KIF3A: variants seen among roughly 807,000 people sequenced by gnomAD.
KIF3A encodes the protein kinesin family member 3A, also known as kinesin-like protein KIF3A.
A neutral mutation model predicts 92.6 loss-of-function variants in KIF3A; 27 were observed. The observed-to-expected ratio is 0.29, with a 90% confidence interval of 0.21 to 0.40. The LOEUF is 0.40. Ranked by LOEUF, KIF3A falls within the 10% of genes least tolerant of loss-of-function variation. KIF3A has a pLI of 1.00. For synonymous variants in KIF3A, 250 were observed against 275.4 expected, an observed-to-expected ratio of 0.91 and a Z score of 0.92; for missense variants, 581 against 872.6, an observed-to-expected ratio of 0.67 and a Z score of 4.21.
At chr5:132,722,412 C>G (rs1349307762) in intron 4 of KIF3A, among the ~76,000 whole-genome samples, 1 of 152,102 alleles carries the variant, frequency 6.6e-6, no homozygotes, top group Non-Finnish European at 1.5e-5. Flanking sequence ...ACCCTCTTGT[C>G]CTAGAATATT....
chr5:132,712,083 C>CA (rs1753445423), intron 8 of KIF3A, among the ~76,000 whole-genome samples: 1 of 152,294 alleles, frequency 6.6e-6, no homozygotes, highest in Non-Finnish European at 1.5e-5. Flanking sequence ...GAAAGGAACA[C>CA]AGAGTCTTGG....
intron 1 of KIF3A, chr5:132,736,989 G>T: frequency 3.2e-6 from 1 of 311,444 alleles, no homozygotes; most frequent in South Asian, 3.3e-5. Flanking sequence ...GCCTGGAATA[G>T]GGGCAGGCAG....
rs1484763279 is a variant in KIF3A, at chr5:132,699,622, G to C, written c.2008-327C>G. Reference sequence around the variant, plus strand: ...CGCCCAGGCTGGAGTGCAGTAGCGCGATCTGGGCTCACTGCAAGCTCCACC... The same window carrying C: ...CGCCCAGGCTGGAGTGCAGTAGCGCCATCTGGGCTCACTGCAAGCTCCACC... On this transcript the variant is annotated intron_variant, in intron 17 of 18. Transcript: ENST00000403231. The C allele has an allele frequency of 1.1e-5, 5 of 436,908 alleles. No individual in the cohort carries two copies. The Admixed American group carries it at 1.4e-4, about 12-fold the overall frequency. The allele number at this position is 436,908 out of a possible 1,614,324, so 27.1% of individuals were successfully genotyped here. A position where few individuals can be genotyped will look rare whatever the true frequency, so the allele number is the denominator to read the frequency against.
chr5:132,728,593 T>C (rs186470289), intron 2 of KIF3A, among the ~76,000 whole-genome samples: 5 of 151,954 alleles, frequency 3.3e-5, no homozygotes, highest in Admixed American at 2.0e-4. Flanking sequence ...AAAAATTAGC[T>C]GGGTGTGGTG....
chr5:132,698,251 A>G (rs1026639230), intron 18 of KIF3A, among the ~76,000 whole-genome samples: 1 of 152,122 alleles, frequency 6.6e-6, no homozygotes, highest in Non-Finnish European at 1.5e-5. Flanking sequence ...ATTATTTCCT[A>G]CATTTTAGGA....
intron 10 of KIF3A, among the ~76,000 whole-genome samples, chr5:132,707,048 T>C (rs2299010): frequency 0.16 from 24,130 of 151,914 alleles, 2,834 homozygotes; most frequent in East Asian, 0.53. Flanking sequence ...CACTGATTAT[T>C]TGATTAACAG....
At chr5:132,733,775 A>G (rs955992364) in intron 2 of KIF3A, among the ~76,000 whole-genome samples, 3 of 152,220 alleles carry the variant, frequency 2.0e-5, no homozygotes, top group Non-Finnish European at 4.4e-5. Context: ...TAATTCATTA[A>G]TGTTTCAACG....
intron 8 of KIF3A, among the ~76,000 whole-genome samples, chr5:132,711,396 A>C (rs570098507): frequency 3.3e-4 from 51 of 152,266 alleles, no homozygotes; most frequent in African/African-American, 1.2e-3. Context: ...GTTTGAGACC[A>C]GCCTGGCCAA....
chr5:132,722,322 A>C (rs896675348), intron 4 of KIF3A, among the ~76,000 whole-genome samples: 1 of 152,224 alleles, frequency 6.6e-6, no homozygotes, highest in African/African-American at 2.4e-5. Context: ...GCTACCAAAG[A>C]ATTTTTATCA....
downstream of KIF3A, among the ~76,000 whole-genome samples, chr5:132,689,032 TAA>T (rs938677359): frequency 1.6e-4 from 24 of 152,208 alleles, no homozygotes; most frequent in African/African-American, 5.8e-4. Context: ...ATAACGTTGA[TAA>T]AAGTCACTTG....
chr5:132,735,862 T>C (rs1448526821), intron 1 of KIF3A, among the ~76,000 whole-genome samples: 1 of 152,254 alleles, frequency 6.6e-6, no homozygotes. Context: ...TTCACTGGGC[T>C]TATTTCACAA....
intron 1 of KIF3A, among the ~76,000 whole-genome samples, chr5:132,735,177 C>T (rs751141042): frequency 9.9e-5 from 15 of 152,246 alleles, no homozygotes; most frequent in Middle Eastern, 6.8e-3. Context: ...CAGGCTCAAG[C>T]GATTCTGCTG....
intron 2 of KIF3A, 69 bp from the exon 3 acceptor site, chr5:132,726,567 A>C: frequency 7.3e-7 from 1 of 1,364,318 alleles, no homozygotes; most frequent in Admixed American, 2.0e-5. Flanking sequence ...TCTTAAAATT[A>C]ATTCCTTTGA....
chr5:132,726,290 T>C, intron 3 of KIF3A, 64 bp downstream of exon 3: 1 of 1,571,496 alleles, frequency 6.4e-7, no homozygotes, highest in Admixed American at 1.7e-5. Context: ...ATAAAATTTA[T>C]ACCTATGTGC....
intron 11 of KIF3A, among the ~76,000 whole-genome samples, chr5:132,705,974 T>C (rs1753195776): frequency 6.6e-6 from 1 of 152,102 alleles, no homozygotes; most frequent in African/African-American, 2.4e-5. Context: ...TAAATATTTT[T>C]AAAAGTTAAT....
intron 13 of KIF3A, 41 bp downstream of exon 13, chr5:132,702,844 C>T (rs1467023844): frequency 6.3e-7 from 1 of 1,586,596 alleles, no homozygotes; most frequent in East Asian, 2.2e-5. Context: ...AGTTAAATCT[C>T]TCTGGCAAAA....
chr5:132,703,629 T>A lies in KIF3A; in HGVS notation c.1310-10A>T. On this transcript the variant is annotated splice_polypyrimidine_tract_variant and intron_variant, in intron 11 of 18. Coordinates refer to ENST00000403231, the MANE Select transcript of KIF3A (RefSeq NM_001300791.2). Reference sequence around the variant, plus strand: ...GAGACTTTCTTTTTTCCTATTTGAATCATTTAATTGCAACAATCACTAAAA... The same window carrying A: ...GAGACTTTCTTTTTTCCTATTTGAAACATTTAATTGCAACAATCACTAAAA... 6.3e-7 allele frequency: 1 copy of A among 1,586,512 alleles called. No homozygotes were observed. Among genetic ancestry groups the A allele is most frequent in the East Asian group, 2.2e-5 (1 of 44,654 alleles).
intron 18 of KIF3A, among the ~76,000 whole-genome samples, 153 bp downstream of exon 18, chr5:132,699,018 G>A (rs766197762): frequency 2.0e-5 from 3 of 152,284 alleles, no homozygotes; most frequent in Non-Finnish European, 2.9e-5. Flanking sequence ...GATTACAGGC[G>A]TGAGCCACTG....
At chr5:132,731,068 C>T (rs1286040794) in intron 2 of KIF3A, among the ~76,000 whole-genome samples, 1 of 152,138 alleles carries the variant, frequency 6.6e-6, no homozygotes, top group Admixed American at 6.6e-5. Flanking sequence ...AAACTTCAAG[C>T]CCAGATGGCT....
Sources: allele counts gnomAD v4.1 joint callset (sites outside exome capture counted in the v4.1 genomes callset), GRCh38; gene constraint gnomAD v4.1.1; transcripts MANE v1.5; gene names NCBI Gene and HGNC (gene_info 2026-07-23, HGNC 2026-07-21).